BSCL2: variants seen among roughly 807,000 people sequenced by gnomAD.
The protein encoded by BSCL2 is BSCL2 lipid droplet biogenesis associated, seipin.
BSCL2 carries 41 observed loss-of-function variants against 57.4 expected under a neutral mutation model. That is an observed-to-expected ratio of 0.71 (90% CI 0.56 to 0.93). The LOEUF is 0.93. Among genes scored for constraint, BSCL2 ranks in the 40% least tolerant of loss-of-function variants. BSCL2 has a pLI of 0.00. For missense variants in BSCL2, 539 were observed against 586.7 expected (o/e 0.92, Z 0.84); for synonymous variants, 237 against 227.3 (o/e 1.04, Z -0.38).
chr11:62,695,074 C>G (rs72929424), intron 3 of BSCL2, among the ~76,000 whole-genome samples: 25,718 of 152,126 alleles, frequency 0.17, 2,350 homozygotes, highest in Non-Finnish European at 0.22. Context: ...AGCCTGTCCT[C>G]TCTTACATTA....
In BSCL2 at chr11:62,705,443, C is replaced by G; in HGVS notation, c.262G>C (p.Ala88Pro). The G allele has an allele frequency of 6.2e-7, 1 of 1,614,220 alleles. No individual in the cohort carries two copies. The highest frequency in any genetic ancestry group is 2.2e-5 in the East Asian group (1 of 44,890). ...CCAAACTGCAGCAGCAGCCTGCGGG[C>G]ACGGCCTGCCAAGACTTGGCCCACC... ...QEVGQVLAGR[A>P]RRLLLQFGVL... Residue 88 changes from alanine to proline, a missense_variant, in exon 2 of 11, where the codon GCC (alanine) becomes CCC (proline). This residue lies in a region of BSCL2 where 218 missense variants were observed against 224.8 expected (regional missense o/e 0.97). Coordinates refer to ENST00000360796, the MANE Select transcript of BSCL2 (RefSeq NM_001122955.4).
chr11:62,698,777 T>TA (rs1340534858), intron 3 of BSCL2, among the ~76,000 whole-genome samples: 1 of 152,176 alleles, frequency 6.6e-6, no homozygotes, highest in East Asian at 1.9e-4. Flanking sequence ...TCACACCTGA[T>TA]CGTTTGAGGC....
At chr11:62,709,483 G>A (rs1307441115), upstream of BSCL2, 2 of 454,054 alleles carry the variant, frequency 4.4e-6, no homozygotes, top group East Asian at 7.0e-5. Flanking sequence ...GAGGGTGCGG[G>A]AGTGCAGTCG....
intron 1 of BSCL2, chr11:62,706,167 C>T (rs2083529097): frequency 9.7e-7 from 1 of 1,025,862 alleles, no homozygotes; most frequent in Admixed American, 5.1e-5. Flanking sequence ...CAGTCCCCTC[C>T]AGCTCGGGGG....
At chr11:62,696,278 T>TTGTGTGTGTG (rs1197051764) in intron 3 of BSCL2, among the ~76,000 whole-genome samples, 10,718 of 136,126 alleles carry the variant, frequency 0.079, 522 homozygotes, top group East Asian at 0.14. Flanking sequence ...CATAAACTTT[T>TTGTGTGTGTG]TGTGTGTGTG....
intron 1 of BSCL2, chr11:62,706,314 G>A: frequency 1.8e-6 from 2 of 1,127,984 alleles, no homozygotes; most frequent in South Asian, 1.8e-5. Context: ...TCCCGGGGAA[G>A]TCCCGCCCCT....
At chr11:62,696,451 T>C (rs1464310220) in intron 3 of BSCL2, among the ~76,000 whole-genome samples, 1 of 142,192 alleles carries the variant, frequency 7.0e-6, no homozygotes. Context: ...TATAGGCACA[T>C]GCAACCACAT....
At chr11:62,697,793 C>CAA (rs1239385916) in intron 3 of BSCL2, among the ~76,000 whole-genome samples, 4 of 105,648 alleles carry the variant, frequency 3.8e-5, no homozygotes, top group African/African-American at 7.0e-5. Context: ...GACTCTGTAT[C>CAA]AAAAAAAAAA....
chr11:62,695,850 CCTT>C (rs1057039936), intron 3 of BSCL2, among the ~76,000 whole-genome samples: 3 of 151,868 alleles, frequency 2.0e-5, no homozygotes, highest in Non-Finnish European at 4.4e-5. Context: ...CTGATAGGGG[CCTT>C]TTTTTGTACC....
At chr11:62,704,478 G>A (rs554936660) in intron 2 of BSCL2, among the ~76,000 whole-genome samples, 121 of 151,754 alleles carry the variant, frequency 8.0e-4, no homozygotes, top group African/African-American at 2.8e-3. Context: ...CCCAGGAGGC[G>A]GAGCTTGCAG....
intron 2 of BSCL2, among the ~76,000 whole-genome samples, chr11:62,704,494 C>T (rs368996348): frequency 5.9e-5 from 9 of 151,508 alleles, no homozygotes; most frequent in African/African-American, 2.2e-4. Context: ...TGCAGTGAGC[C>T]GACATGGCAC....
At chr11:62,708,364 T>C (rs771182844), upstream of BSCL2, 2 of 1,613,354 alleles carry the variant, frequency 1.2e-6, no homozygotes, top group Admixed American at 3.3e-5. Flanking sequence ...TGGAACAGCT[T>C]AAGATTGAAG....
At chr11:62,706,695 C>G (rs1199409032) in intron 1 of BSCL2, 1 of 482,768 alleles carries the variant, frequency 2.1e-6, no homozygotes, top group South Asian at 1.5e-5. Context: ...CCCACAGCTC[C>G]TAGGACCTGT....
At chr11:62,706,882 ACTAGCTTTTGGCAGTC>A (rs1436035349) in intron 1 of BSCL2, among the ~76,000 whole-genome samples, 6 of 152,206 alleles carry the variant, frequency 3.9e-5, no homozygotes, top group Non-Finnish European at 5.9e-5. Flanking sequence ...CATTATCTAG[ACTAGCTTTTGGCAGTC>A]TTCTATTTTG....
At chr11:62,692,902 C>T in intron 4 of BSCL2, 105 bp from the exon 5 acceptor site, 1 of 1,470,036 alleles carries the variant, frequency 6.8e-7, no homozygotes, top group Non-Finnish European at 9.3e-7. Context: ...GCGGCTTCTT[C>T]CTCAGGTCCC....
At chr11:62,694,851 A>C in intron 3 of BSCL2, 140 bp from the exon 4 acceptor site, 1 of 1,021,518 alleles carries the variant, frequency 9.8e-7, no homozygotes, top group Non-Finnish European at 1.5e-6. Context: ...GGGCCTTTCA[A>C]TCTGTCATCC....
intron 7 of BSCL2, 52 bp downstream of exon 7, chr11:62,691,228 T>G: frequency 6.2e-7 from 1 of 1,614,074 alleles, no homozygotes; most frequent in Non-Finnish European, 8.5e-7. Context: ...AACATACCCC[T>G]GACCACCCAC....
rs1024088493 is a variant in BSCL2, at chr11:62,705,724, A to G, written c.88-107T>C. On this transcript the variant is annotated intron_variant, in intron 1 of 10. Transcript: ENST00000360796. Reference sequence around the variant, plus strand: ...GGAACGAGAGATAGCAGGATAGCAAAGTCATTGTTTCATATATATGGCCTT... The same window carrying G: ...GGAACGAGAGATAGCAGGATAGCAAGGTCATTGTTTCATATATATGGCCTT... The G allele has an allele frequency of 2.1e-5, 24 of 1,118,066 alleles. No individual in the cohort carries two copies. In the African/African-American group the frequency reaches 3.3e-4, roughly 15 times the overall value. 69.3% of individuals were successfully genotyped at this position (1,118,066 alleles called of 1,614,324 possible). A position where few individuals can be genotyped will look rare whatever the true frequency, so the allele number is the denominator to read the frequency against.
intron 4 of BSCL2, among the ~76,000 whole-genome samples, chr11:62,694,298 G>A (rs1413524783): frequency 6.8e-6 from 1 of 146,174 alleles, no homozygotes; most frequent in African/African-American, 2.5e-5. Context: ...CAACCTCCCA[G>A]GTTTAAGCGA....
Sources: allele counts gnomAD v4.1 joint callset (sites outside exome capture counted in the v4.1 genomes callset), GRCh38; gene constraint gnomAD v4.1.1; regional missense constraint gnomAD v4.1.1; transcripts MANE v1.5; gene names NCBI Gene and HGNC (gene_info 2026-07-23, HGNC 2026-07-21).